The following DOT1L variants were observed in gnomAD, a reference collection of about 807,000 sequenced individuals.
The protein encoded by DOT1L is DOT1 like histone lysine methyltransferase, also known as histone-lysine N-methyltransferase, H3 lysine-79 specific.
Under a neutral mutation model 153.3 loss-of-function variants are expected in DOT1L, and 33 were observed. The observed-to-expected ratio is 0.22, with a 90% CI of 0.16 to 0.29. The LOEUF is 0.29. Ranked by LOEUF, DOT1L falls within the 10% of genes least tolerant of loss-of-function variation. The pLI is 1.00. For synonymous variants in DOT1L, 1,135 were observed against 965.1 expected (o/e 1.18, Z -3.26); for missense variants, 1,847 against 2,119.9 (o/e 0.87, Z 2.53).
chr19:2,174,809 CT>C (rs201550442), intron 1 of DOT1L, among the ~76,000 whole-genome samples: 1 of 150,370 alleles, frequency 6.7e-6, no homozygotes, highest in Admixed American at 6.6e-5. Flanking sequence ...AAAGCAAAAA[CT>C]TTTTTTGAAG....
In DOT1L at chr19:2,214,503, C is replaced by T. The variant is rs748066010; in HGVS notation, c.1830C>T (p.Asp610=). ...LKARCEELQL[D]WATLSLEKLL... ...CTCGCTGCGAGGAGCTGCAGCTGGACTGGGCCACGCTGTCGCTGGAGAAGC... is the reference window on the plus strand; with the variant it reads ...CTCGCTGCGAGGAGCTGCAGCTGGATTGGGCCACGCTGTCGCTGGAGAAGC... The change falls in exon 19 of 28, where the codon GAC becomes GAT. Residue 610 remains aspartate (D), a synonymous_variant. Coordinates refer to ENST00000398665, the MANE Select transcript of DOT1L (RefSeq NM_032482.3). 6.2e-7 allele frequency: 1 copy of T among 1,613,164 alleles called. No homozygotes were observed. The highest frequency in any genetic ancestry group is 8.5e-7 in the Non-Finnish European group (1 of 1,179,928).
intron 1 of DOT1L, among the ~76,000 whole-genome samples, chr19:2,171,178 T>C (rs2021599411): frequency 6.6e-6 from 1 of 152,176 alleles, no homozygotes; most frequent in Non-Finnish European, 1.5e-5. Context: ...AGGCTAGTGG[T>C]AACTTTGATA....
In DOT1L at chr19:2,220,306, A is replaced by C; in HGVS notation, c.2806+84A>C. The C allele has an allele frequency of 1.5e-6, 2 of 1,360,008 alleles. No homozygotes were observed. The highest frequency in any genetic ancestry group is 2.0e-6 in the Non-Finnish European group (2 of 979,984). 84.2% of individuals were successfully genotyped at this position (1,360,008 alleles called of 1,614,324 possible). A position where few individuals can be genotyped will look rare whatever the true frequency, so the allele number is the denominator to read the frequency against. On this transcript the variant is annotated intron_variant, in intron 23 of 27. Coordinates refer to ENST00000398665, the MANE Select transcript of DOT1L (RefSeq NM_032482.3). The surrounding 1 kb of genome is among the most constrained non-coding windows in gnomAD (Gnocchi z 4.5). ...AGGAGGGCTGGGTTGCTGGGAGTGG[A>C]ACAGGGCTTCCTGGGGTGATCATGG...
chr19:2,204,105 GTGTGCGTGTCTGTGTCTC>G lies in DOT1L; in HGVS notation c.787+1332_787+1349del, dbSNP rs1198974067. On this transcript the variant is annotated intron_variant, in intron 9 of 27. Transcript: ENST00000398665. The surrounding 1 kb of genome is among the most constrained non-coding windows in gnomAD (Gnocchi z 5.7). ...AGGGTGCTTGTGTGCCTGTGTCTGT[GTGTGCGTGTCTGTGTCTC>G]TGTGCATGCCTGTGTCTCTGTGTGT... 6.6e-6 allele frequency among the ~76,000 whole-genome samples: 1 copy of G among 152,080 alleles called. No homozygotes were observed. Among genetic ancestry groups the G allele is most frequent in the Non-Finnish European group, 1.5e-5 (1 of 68,000 alleles).
In DOT1L at chr19:2,180,702, C is replaced by G. The variant is rs753383233; in HGVS notation, c.82-11C>G. ...ATGGCTCTGCGTCTCAAACTTCTCT[C>G]TCTGTTTCAGGATAAACATCACGAT... On this transcript the variant is annotated splice_polypyrimidine_tract_variant and intron_variant, in intron 1 of 27. Coordinates refer to ENST00000398665, the MANE Select transcript of DOT1L (RefSeq NM_032482.3). 3.1e-6 allele frequency: 5 copies of G among 1,614,022 alleles called. No homozygotes were observed. The highest frequency in any genetic ancestry group is 2.5e-6 in the Non-Finnish European group (3 of 1,179,992).
chr19:2,230,573 T>C lies in DOT1L; in HGVS notation c.*781T>C, dbSNP rs1308990482. 4 of 398,710 alleles carry C rather than the reference T, an allele frequency of 1.0e-5. No homozygotes were observed. The highest frequency in any genetic ancestry group is 1.3e-4 in the South Asian group (1 of 7,870). The allele number at this position is 398,710 out of a possible 1,614,324, so 24.7% of individuals were successfully genotyped here. Reference sequence around the variant, plus strand: ...GCTGTCCATGGCTCGCAGCATGCCCTGCGATGCGGGGCAGGCCTGTCGTGG... The same window carrying C: ...GCTGTCCATGGCTCGCAGCATGCCCCGCGATGCGGGGCAGGCCTGTCGTGG... On this transcript the variant is annotated 3_prime_UTR_variant, in exon 28 of 28. Coordinates refer to ENST00000398665, the MANE Select transcript of DOT1L (RefSeq NM_032482.3).
rs1215940553 is a variant in DOT1L, at chr19:2,197,420, C to T, written c.652-2464C>T. ...GTTCCCAGCGATGGCCAGGAGGGCG[C>T]CATGGTGCCTTCCTCCGCGCGGTCT... is the stretch of plus-strand genomic sequence containing the variant. On this transcript the variant is annotated intron_variant, in intron 7 of 27. Transcript: ENST00000398665. The surrounding 1 kb of genome is among the most constrained non-coding windows in gnomAD (Gnocchi z 4.1). 2.0e-5 allele frequency among the ~76,000 whole-genome samples: 3 copies of T among 152,196 alleles called. No homozygotes were observed. The highest frequency in any genetic ancestry group is 2.0e-4 in the Admixed American group (3 of 15,278).
Position 2,217,117 on chromosome 19 carries a change from C to A in DOT1L, c.2544+27C>A. ...TGCGGGCCGCGACCCCTGCCCCGGG[C>A]TCAGGGAGGTGCTCAGCAGAGGCGG... On this transcript the variant is annotated intron_variant, in intron 21 of 27. Transcript: ENST00000398665. The surrounding 1 kb of genome is among the most constrained non-coding windows in gnomAD (Gnocchi z 7.3). 6.4e-7 allele frequency: 1 copy of A among 1,560,838 alleles called. No individual in the cohort carries two copies.
rs2024359263 is a variant in DOT1L, at chr19:2,226,868, C to G, written c.4347C>G (p.Ser1449=). The G allele has an allele frequency of 6.4e-7, 1 of 1,574,594 alleles. No homozygotes were observed. Among genetic ancestry groups the G allele is most frequent in the Non-Finnish European group, 8.6e-7 (1 of 1,168,476 alleles). ...GCCCCGGCCTGGCCCCGGCGGCGTC[C>G]TCCGCAGGCGGCGCGGCGTCCTCCG... ...LSGPGLAPAA[S]SAGGAASSAQ... The change falls in exon 27 of 28, where the codon TCC becomes TCG. Residue 1449 remains serine, a synonymous_variant. Coordinates refer to ENST00000398665, the MANE Select transcript of DOT1L (RefSeq NM_032482.3).
At chr19:2,219,139 T>C (rs945602824) in intron 22 of DOT1L, among the ~76,000 whole-genome samples, 6 of 152,198 alleles carry the variant, frequency 3.9e-5, no homozygotes, top group Middle Eastern at 3.2e-3. Flanking sequence ...CCGAAATTGA[T>C]GGGATGACAG....
intron 27 of DOT1L, chr19:2,227,563 C>G (rs1472462097): frequency 1.5e-6 from 1 of 688,116 alleles, no homozygotes; most frequent in Non-Finnish European, 2.0e-6. Context: ...GGCGGGGGGC[C>G]GGAGGGCGGA....
At position 2,204,399 on chromosome 19, in the gene DOT1L, T is replaced by A. The variant is rs2023417364; in HGVS notation, c.787+1620T>A. The stretch of plus-strand genomic sequence containing the variant: ...GTGGCAGTGGTGTTTCTGACTTATC[T>A]TAGAACCACGTGAGGACACCATGCT... On this transcript the variant is annotated intron_variant, in intron 9 of 27. Transcript: ENST00000398665. This position sits in a 1 kb window ranked among gnomAD's most constrained non-coding sequence, Gnocchi z 5.7. Among the ~76,000 whole-genome samples, 2 of 152,136 alleles carry A rather than the reference T, an allele frequency of 1.3e-5. No homozygotes were observed. Among genetic ancestry groups the A allele is most frequent in the African/African-American group, 4.8e-5 (2 of 41,426 alleles).
chr19:2,170,225 G>A (rs1041540966), intron 1 of DOT1L, among the ~76,000 whole-genome samples: 2 of 152,224 alleles, frequency 1.3e-5, no homozygotes, highest in Admixed American at 6.5e-5. Context: ...TGGTGTTACA[G>A]ATTCCAGGAA....
intron 1 of DOT1L, among the ~76,000 whole-genome samples, chr19:2,170,562 A>G (rs1051798308): frequency 2.6e-5 from 4 of 151,972 alleles, no homozygotes; most frequent in African/African-American, 4.8e-5. Context: ...CAGCATGTCT[A>G]CCTCGACACA....
chr19:2,174,021 C>T (rs928671114), intron 1 of DOT1L, among the ~76,000 whole-genome samples: 2 of 152,180 alleles, frequency 1.3e-5, no homozygotes, highest in African/African-American at 4.8e-5. Flanking sequence ...AGTTTAGTGG[C>T]GTGATCATAA....
chr19:2,179,167 G>T (rs1023366488), intron 1 of DOT1L, among the ~76,000 whole-genome samples: 2 of 152,162 alleles, frequency 1.3e-5, no homozygotes, highest in African/African-American at 4.8e-5. Flanking sequence ...TTCTCTCAGG[G>T]TTATACTGAG....
In DOT1L at chr19:2,222,106, G is replaced by T. The variant is rs750859277; in HGVS notation, c.2937G>T (p.Gly979=). ...SSSGSLFATV[G]SRSSTPQHPL... ...CTGGGAGCCTTTTTGCCACCGTGGG[G>T]TCCCGCAGCTCCACGCCACAGCACC... Residue 979 remains glycine, a synonymous_variant, in exon 24 of 28, where the codon GGG becomes GGT. Coordinates refer to ENST00000398665, the MANE Select transcript of DOT1L (RefSeq NM_032482.3). The surrounding 1 kb of genome is among the most constrained non-coding windows in gnomAD (Gnocchi z 6.5). 2.5e-6 allele frequency: 4 copies of T among 1,613,322 alleles called. No individual in the cohort carries two copies. The South Asian group carries it at 3.3e-5, about 13-fold the overall frequency.
chr19:2,223,495 A>G lies in DOT1L; in HGVS notation c.3596+9A>G, dbSNP rs2144913492. On this transcript the variant is annotated intron_variant, in intron 25 of 27. Transcript: ENST00000398665. ...GAGCCCAGCAGTGCTCGGCGAGTCC[A>G]GGGGCCCGGAGGGGGGCGGGGCCTG... The G allele has an allele frequency of 7.3e-7, 1 of 1,366,752 alleles. No individual in the cohort carries two copies. The highest frequency in any genetic ancestry group is 9.7e-7 in the Non-Finnish European group (1 of 1,034,894). The allele number at this position is 1,366,752 out of a possible 1,614,324, so 84.7% of individuals were successfully genotyped here.
rs2023579725 is a variant in DOT1L, at chr19:2,208,226, G to T, written c.963+546G>T. On this transcript the variant is annotated intron_variant, in intron 11 of 27. Coordinates refer to ENST00000398665, the MANE Select transcript of DOT1L (RefSeq NM_032482.3). The surrounding 1 kb of genome is among the most constrained non-coding windows in gnomAD (Gnocchi z 4.4). ...GAGTATCCCGAGCCTCCTGGCATGTGGGCAGCGCCAGCCCTCCAGGGCTGG... is the reference window on the plus strand; with the variant it reads ...GAGTATCCCGAGCCTCCTGGCATGTTGGCAGCGCCAGCCCTCCAGGGCTGG... Among the ~76,000 whole-genome samples, 1 of 152,142 alleles carries T rather than the reference G, an allele frequency of 6.6e-6. No individual in the cohort carries two copies. The highest frequency in any genetic ancestry group is 2.1e-4 in the South Asian group (1 of 4,834).
Sources: allele counts gnomAD v4.1 joint callset (sites outside exome capture counted in the v4.1 genomes callset), GRCh38; gene constraint gnomAD v4.1.1; non-coding constraint Gnocchi (gnomAD v3.1); transcripts MANE v1.5; gene names NCBI Gene and HGNC (gene_info 2026-07-23, HGNC 2026-07-21).